Variants in XPO7 observed in about 807,000 individuals in gnomAD.
XPO7 encodes exportin-7.
A neutral mutation model predicts 144.3 loss-of-function variants in XPO7; 21 were observed. That is an observed-to-expected ratio of 0.15 (90% CI 0.10 to 0.21). The LOEUF (loss-of-function observed/expected upper bound fraction) is 0.21. Ranked by LOEUF, XPO7 falls within the 10% of genes least tolerant of loss-of-function variation. The probability of loss-of-function intolerance (pLI) is 1.00; values close to 1 mark genes in which losing one functional copy is unlikely to be tolerated. For synonymous variants in XPO7, 580 were observed against 499.6 expected, an observed-to-expected ratio of 1.16 and a Z score of -2.15; for missense variants, 808 against 1,325.8, an observed-to-expected ratio of 0.61 and a Z score of 6.06.
chr8:21,938,118 A>G (rs1302204773), intron 1 of XPO7, among the ~76,000 whole-genome samples: 1 of 152,172 alleles, frequency 6.6e-6, no homozygotes, highest in African/African-American at 2.4e-5. Context: ...ATAGATGTAA[A>G]TTCCTCAGGG....
intron 4 of XPO7, 76 bp from the exon 5 acceptor site, chr8:21,971,800 A>G: frequency 5.1e-6 from 6 of 1,182,958 alleles, no homozygotes; most frequent in South Asian, 3.0e-5. Context: ...CCGTCATTCG[A>G]AAGTATGAGT....
At chr8:21,930,412 G>T (rs1810606154) in intron 1 of XPO7, among the ~76,000 whole-genome samples, 1 of 152,178 alleles carries the variant, frequency 6.6e-6, no homozygotes, top group Non-Finnish European at 1.5e-5. Flanking sequence ...TATAGAGTGA[G>T]ATCGGTGATA....
chr8:21,979,817 G>A (rs957748646), intron 8 of XPO7, among the ~76,000 whole-genome samples: 13 of 152,222 alleles, frequency 8.5e-5, no homozygotes, highest in South Asian at 2.1e-4. Flanking sequence ...TAAATTGCTC[G>A]ATATTTTTAA....
At chr8:21,959,904 G>A (rs561931084) in intron 1 of XPO7, among the ~76,000 whole-genome samples, 2 of 152,130 alleles carry the variant, frequency 1.3e-5, no homozygotes, top group East Asian at 1.9e-4. Flanking sequence ...AGTATCAACC[G>A]AACTCTTCTC....
In XPO7 at chr8:21,983,855, C is replaced by CCTG. The variant is rs77922585; in HGVS notation, c.1278-774_1278-772dup. On this transcript the variant is annotated intron_variant, in intron 11 of 27. Coordinates refer to ENST00000252512, the MANE Select transcript of XPO7 (RefSeq NM_015024.5). The stretch of plus-strand genomic sequence containing the variant: ...CACAGCTAGTTTTAGTGCTGCTGCT[C>CCTG]CTGCTGCTGCTGCTGCTGCCATTAT... Among the ~76,000 whole-genome samples, 40 of 151,366 alleles carry CCTG rather than the reference C, an allele frequency of 2.6e-4. 1 individual carries two copies. The Middle Eastern group carries it at 0.014, about 53-fold the overall frequency.
At chr8:21,926,054 CATT>C (rs1306435797) in intron 1 of XPO7, among the ~76,000 whole-genome samples, 1 of 151,896 alleles carries the variant, frequency 6.6e-6, no homozygotes, top group Admixed American at 6.6e-5. Flanking sequence ...AAGAAATTAA[CATT>C]ATTAGTCAAA....
chr8:21,944,300 C>T (rs1337703457), intron 1 of XPO7, among the ~76,000 whole-genome samples: 3 of 152,206 alleles, frequency 2.0e-5, no homozygotes, highest in East Asian at 1.9e-4. Flanking sequence ...GGGTCAAACG[C>T]GGTGGCCCTG....
intron 19 of XPO7, among the ~76,000 whole-genome samples, chr8:21,993,932 T>TCTCC (rs2117388641): frequency 6.6e-6 from 1 of 151,594 alleles, no homozygotes; most frequent in African/African-American, 2.4e-5. Context: ...TCTCTCTCTC[T>TCTCC]CTCTCTCTGT....
intron 1 of XPO7, among the ~76,000 whole-genome samples, chr8:21,959,935 C>A (rs1811669721): frequency 6.6e-6 from 1 of 152,180 alleles, no homozygotes; most frequent in South Asian, 2.1e-4. Context: ...TTACATAGTT[C>A]CTTGTGTTTT....
At chr8:21,976,623 G>T in intron 7 of XPO7, 102 bp downstream of exon 7, 1 of 1,313,078 alleles carries the variant, frequency 7.6e-7, no homozygotes. Flanking sequence ...TATTCTGAGG[G>T]AGAATTGAGA....
rs1452733354 is a variant in XPO7 at position 21,971,819 on chromosome 8, A to G, written c.427-57A>G. On this transcript the variant is annotated intron_variant, in intron 4 of 27. Transcript: ENST00000252512. ...CATTCGAAAGTATGAGTGCATTCCAAATGCCAAAACCAAGCACACATGACA... is the reference window on the plus strand; with the variant it reads ...CATTCGAAAGTATGAGTGCATTCCAGATGCCAAAACCAAGCACACATGACA... 20 of 1,497,408 alleles carry G rather than the reference A, an allele frequency of 1.3e-5. No homozygotes were observed. In the East Asian group the frequency reaches 3.4e-4, roughly 26 times the overall value. 92.8% of individuals were successfully genotyped at this position (1,497,408 alleles called of 1,614,324 possible). A position where few individuals can be genotyped will look rare whatever the true frequency, so the allele number is the denominator to read the frequency against.
rs566201830 is a variant in XPO7, at chr8:21,956,685, GTCA to G, written c.19-10167_19-10165del. Among the ~76,000 whole-genome samples, 342 of 149,546 alleles carry G rather than the reference GTCA, an allele frequency of 2.3e-3. 1 individual carries two copies. The highest frequency in any genetic ancestry group is 8.1e-3 in the African/African-American group (330 of 40,776). ...CTTTCAATAGAATATTTTTGTCTCT[GTCA>G]TCATATGTTTATTTTCTAACATCTC... On this transcript the variant is annotated intron_variant, in intron 1 of 27. Transcript: ENST00000252512.
intron 1 of XPO7, among the ~76,000 whole-genome samples, chr8:21,921,058 C>G (rs1810266337): frequency 6.6e-6 from 1 of 152,126 alleles, no homozygotes; most frequent in African/African-American, 2.4e-5. Flanking sequence ...AACGTAATCA[C>G]AGGTGGAAAA....
At chr8:21,935,413 A>T (rs184386609) in intron 1 of XPO7, among the ~76,000 whole-genome samples, 7 of 152,198 alleles carry the variant, frequency 4.6e-5, no homozygotes, top group Admixed American at 1.3e-4. Flanking sequence ...TAATTTGGAC[A>T]TTTTGCCTAA....
intron 19 of XPO7, among the ~76,000 whole-genome samples, chr8:21,993,931 C>T (rs1485173752): frequency 1.3e-5 from 2 of 151,266 alleles, no homozygotes; most frequent in African/African-American, 4.9e-5. Flanking sequence ...CTCTCTCTCT[C>T]TCTCTCTCTG....
chr8:21,972,235 T>C (rs1271045006), intron 5 of XPO7, among the ~76,000 whole-genome samples: 3 of 152,022 alleles, frequency 2.0e-5, no homozygotes, highest in Non-Finnish European at 4.4e-5. Context: ...CGCAGCACTT[T>C]GGGAGGCCGA....
At chr8:22,004,916 C>CT in intron 27 of XPO7, 79 bp from the exon 28 acceptor site, 3 of 725,844 alleles carry the variant, frequency 4.1e-6, no homozygotes, top group Admixed American at 2.9e-5. Context: ...ACTTCCCATG[C>CT]TTTAAAAAAA....
chr8:21,958,069 A>G (rs1167168548), intron 1 of XPO7, among the ~76,000 whole-genome samples: 3 of 152,236 alleles, frequency 2.0e-5, no homozygotes, highest in East Asian at 1.9e-4. Context: ...AGACAGTTGT[A>G]CAGACATTAA....
intron 1 of XPO7, among the ~76,000 whole-genome samples, chr8:21,943,671 A>G (rs1293225860): frequency 6.6e-6 from 1 of 152,180 alleles, no homozygotes; most frequent in Non-Finnish European, 1.5e-5. Context: ...GGTAGGGCTA[A>G]GGTGAGAATT....
Sources: allele counts gnomAD v4.1 joint callset (sites outside exome capture counted in the v4.1 genomes callset), GRCh38; gene constraint gnomAD v4.1.1; transcripts MANE v1.5; gene names NCBI Gene and HGNC (gene_info 2026-07-23, HGNC 2026-07-21).